Variants in CLMN observed in about 807,000 individuals in gnomAD.
The protein encoded by CLMN is calmin (calponin-like, transmembrane).
In CLMN, 57 loss-of-function variants were observed where a neutral mutation model predicts 92.7. The ratio of observed to expected loss-of-function variants is 0.61; its 90% CI spans 0.50 to 0.77. The LOEUF is 0.77. Among genes scored for constraint, CLMN ranks in the 30% least tolerant of loss-of-function variants. The pLI is 0.00. For synonymous variants in CLMN, 466 were observed against 470.6 expected (o/e 0.99, Z 0.13); for missense variants, 1,158 against 1,237.5 (o/e 0.94, Z 0.96).
At chr14:95,299,960 C>A (rs2140777118) in intron 1 of CLMN, among the ~76,000 whole-genome samples, 1 of 152,318 alleles carries the variant, frequency 6.6e-6, no homozygotes, top group South Asian at 2.1e-4. Flanking sequence ...AAATGTTGAC[C>A]AAGGGCAATA....
chr14:95,203,609 G>A lies in CLMN; in HGVS notation c.1740C>T (p.Phe580=), dbSNP rs1340980364. The A allele has an allele frequency of 1.2e-6, 2 of 1,614,142 alleles. No individual in the cohort carries two copies. The highest frequency in any genetic ancestry group is 2.2e-5 in the South Asian group (2 of 91,080). ...TCTCATGAGGTGAAGGAACTTTGTT[G>A]AAAGCCTGGCTGGTAGAAGCAAAAT... ...LIDFASTSQA[F]NKVPSPHETK... Residue 580 remains phenylalanine, a synonymous_variant, in exon 9 of 13, where the codon TTC becomes TTT. Transcript: ENST00000298912.
intron 1 of CLMN, among the ~76,000 whole-genome samples, chr14:95,307,285 G>A (rs1901327851): frequency 6.6e-6 from 1 of 152,158 alleles, no homozygotes; most frequent in Non-Finnish European, 1.5e-5. Context: ...AATATAAACT[G>A]AGCACTCTCT....
chr14:95,259,178 G>A lies in CLMN; in HGVS notation c.83-29045C>T, dbSNP rs998357600. On this transcript the variant is annotated intron_variant, in intron 1 of 12. Transcript: ENST00000298912. This position sits in a 1 kb window ranked among gnomAD's most constrained non-coding sequence, Gnocchi z 4.3. ...TTGGTGCTGCATGGCAGGCTGGAGC[G>A]GAGAGCTGTGCCGGCCAGCAGGGCT... Among the ~76,000 whole-genome samples the A allele has an allele frequency of 4.6e-5, 7 of 152,038 alleles. No individual in the cohort carries two copies. The highest frequency in any genetic ancestry group is 1.5e-4 in the African/African-American group (6 of 41,350).
chr14:95,202,179 G>A (rs1480409737), intron 9 of CLMN, among the ~76,000 whole-genome samples: 5 of 152,150 alleles, frequency 3.3e-5, no homozygotes, highest in Admixed American at 1.3e-4. Context: ...CACAATGGTT[G>A]GACTAATTTA....
rs1896481495 is a variant in CLMN at position 95,188,106 on chromosome 14, C to G, written c.*3458G>C. 1 of 152,180 alleles carries G rather than the reference C, an allele frequency of 6.6e-6. No individual in the cohort carries two copies. The highest frequency in any genetic ancestry group is 1.5e-5 in the Non-Finnish European group (1 of 68,036). The allele number at this position is 152,180 out of a possible 1,614,324, so 9.4% of individuals were successfully genotyped here. On this transcript the variant is annotated 3_prime_UTR_variant, in exon 13 of 13. Coordinates refer to ENST00000298912, the MANE Select transcript of CLMN (RefSeq NM_024734.4). Reference sequence around the variant, plus strand: ...TGTTCTCCAATGATGAGTCCAGGTGCCCACCTGGTGACCCTAGTGGAAAAG... The same window carrying G: ...TGTTCTCCAATGATGAGTCCAGGTGGCCACCTGGTGACCCTAGTGGAAAAG...
At chr14:95,291,577 C>T (rs1238344856) in intron 1 of CLMN, among the ~76,000 whole-genome samples, 4 of 152,142 alleles carry the variant, frequency 2.6e-5, no homozygotes, top group African/African-American at 9.7e-5. Flanking sequence ...CAGACTGGCC[C>T]CAGCAAACCT....
At chr14:95,308,512 G>T (rs1027118272) in intron 1 of CLMN, among the ~76,000 whole-genome samples, 3 of 152,110 alleles carry the variant, frequency 2.0e-5, no homozygotes, top group Admixed American at 2.0e-4. Flanking sequence ...CCACTCATTA[G>T]CTCAATGGCT....
intron 8 of CLMN, among the ~76,000 whole-genome samples, chr14:95,208,665 C>A (rs1449887636): frequency 6.6e-6 from 1 of 152,350 alleles, no homozygotes; most frequent in Non-Finnish European, 1.5e-5. Flanking sequence ...AAACTTAATG[C>A]ACGTTACATG....
At chr14:95,204,728 G>T (rs1245411143) in intron 8 of CLMN, among the ~76,000 whole-genome samples, 1 of 152,272 alleles carries the variant, frequency 6.6e-6, no homozygotes, top group East Asian at 1.9e-4. Flanking sequence ...TTTTTAAAAA[G>T]CTATGGATTA....
At chr14:95,222,789 T>C (rs1407382001) in intron 3 of CLMN, among the ~76,000 whole-genome samples, 1 of 152,174 alleles carries the variant, frequency 6.6e-6, no homozygotes, top group Non-Finnish European at 1.5e-5. Context: ...TGTTTTGCCA[T>C]TGGGAAAGCA....
At chr14:95,305,214 C>T (rs545589984) in intron 1 of CLMN, among the ~76,000 whole-genome samples, 3 of 152,320 alleles carry the variant, frequency 2.0e-5, no homozygotes, top group Non-Finnish European at 1.5e-5. Flanking sequence ...TCCCATTGTA[C>T]CGATGAGGCC....
intron 3 of CLMN, chr14:95,222,656 A>G: frequency 6.6e-6 from 3 of 451,386 alleles, no homozygotes; most frequent in Non-Finnish European, 1.3e-5. Context: ...ACTAGAAGGT[A>G]CTTTTTCAGG....
intron 8 of CLMN, among the ~76,000 whole-genome samples, chr14:95,207,669 G>C (rs563352598): frequency 6.6e-6 from 1 of 152,150 alleles, no homozygotes; most frequent in Non-Finnish European, 1.5e-5. Context: ...TATCAGAGAG[G>C]TCAAGTCACC....
intron 1 of CLMN, among the ~76,000 whole-genome samples, chr14:95,254,975 G>A (rs10149296): frequency 0.12 from 17,720 of 152,176 alleles, 1,449 homozygotes; most frequent in African/African-American, 0.22. Context: ...CACCTGGCCT[G>A]GAGCTAGGAT....
At position 95,194,371 on chromosome 14, in the gene CLMN, G is replaced by A. The variant is rs187210384; in HGVS notation, c.2769+165C>T. 7.6e-6 allele frequency: 11 copies of A among 1,456,390 alleles called. No individual in the cohort carries two copies. Among genetic ancestry groups the A allele is most frequent in the East Asian group, 5.0e-5 (2 of 39,732 alleles). 90.2% of individuals were successfully genotyped at this position (1,456,390 alleles called of 1,614,324 possible). ...CTCTTATTGCCCAAACCGGATATCCGATCGGACTGTGCTTAATGATAAGGT... is the reference window on the plus strand; with the variant it reads ...CTCTTATTGCCCAAACCGGATATCCAATCGGACTGTGCTTAATGATAAGGT... On this transcript the variant is annotated intron_variant, in intron 11 of 12. Coordinates refer to ENST00000298912, the MANE Select transcript of CLMN (RefSeq NM_024734.4). This position sits in a 1 kb window ranked among gnomAD's most constrained non-coding sequence, Gnocchi z 4.0.
intron 1 of CLMN, among the ~76,000 whole-genome samples, chr14:95,312,729 G>A (rs183762881): frequency 4.6e-5 from 7 of 152,250 alleles, no homozygotes; most frequent in Admixed American, 4.6e-4. Context: ...ATCAGACGTG[G>A]GATAACAATG....
At chr14:95,257,977 T>C (rs1384995251) in intron 1 of CLMN, among the ~76,000 whole-genome samples, 1 of 152,046 alleles carries the variant, frequency 6.6e-6, no homozygotes, top group African/African-American at 2.4e-5. Flanking sequence ...AAGAGTCAGC[T>C]ATGGTGTGTG....
chr14:95,255,427 A>T (rs960221785), intron 1 of CLMN, among the ~76,000 whole-genome samples: 1 of 152,146 alleles, frequency 6.6e-6, no homozygotes, highest in Non-Finnish European at 1.5e-5. Context: ...CATTGATTTT[A>T]TTAGTCATTG....
chr14:95,231,014 C>T (rs1897868201), intron 1 of CLMN, among the ~76,000 whole-genome samples: 1 of 151,946 alleles, frequency 6.6e-6, no homozygotes, highest in African/African-American at 2.4e-5. Context: ...CACTGCGTCC[C>T]GGACACTTTG....
Sources: allele counts gnomAD v4.1 joint callset (sites outside exome capture counted in the v4.1 genomes callset), GRCh38; gene constraint gnomAD v4.1.1; non-coding constraint Gnocchi (gnomAD v3.1); transcripts MANE v1.5; gene names NCBI Gene and HGNC (gene_info 2026-07-23, HGNC 2026-07-21).